The following CFAP299 variants were observed in gnomAD, a reference collection of about 807,000 sequenced individuals.
The protein encoded by CFAP299 is cilia- and flagella-associated protein 299.
CFAP299 carries 21 observed loss-of-function variants against 27.0 expected under a neutral mutation model. The observed-to-expected ratio is 0.78, with a 90% CI of 0.55 to 1.12. CFAP299 has a LOEUF of 1.12. Ranked by LOEUF, CFAP299 falls within the 50% of genes most tolerant of loss-of-function variation. The probability of loss-of-function intolerance (pLI) is 0.00; values close to 1 mark genes in which losing one functional copy is unlikely to be tolerated. For missense variants in CFAP299, 310 were observed against 276.6 expected (o/e 1.12, Z -0.86); for synonymous variants, 104 against 98.1 (o/e 1.06, Z -0.36).
intron 4 of CFAP299, among the ~76,000 whole-genome samples, chr4:80,883,328 C>G (rs755733702): frequency 6.6e-6 from 1 of 151,822 alleles, no homozygotes; most frequent in Non-Finnish European, 1.5e-5. Flanking sequence ...AAGCATACCA[C>G]TATAAAAATC....
intron 2 of CFAP299, among the ~76,000 whole-genome samples, chr4:80,499,973 T>G (rs1731661233): frequency 6.9e-6 from 1 of 145,784 alleles, no homozygotes; most frequent in African/African-American, 2.7e-5. Context: ...ACTTCATTTT[T>G]TTTTTGTTTG....
intron 3 of CFAP299, among the ~76,000 whole-genome samples, chr4:80,851,164 T>A (rs1731500476): frequency 6.6e-6 from 1 of 152,076 alleles, no homozygotes; most frequent in African/African-American, 2.4e-5. Flanking sequence ...GGTGTATAAG[T>A]GGTAGTTGAA....
chr4:80,795,831 T>C (rs1215179007), intron 3 of CFAP299, among the ~76,000 whole-genome samples: 1 of 152,090 alleles, frequency 6.6e-6, no homozygotes, highest in East Asian at 1.9e-4. Flanking sequence ...CAGACCAAGA[T>C]CTGTCTCTCA....
chr4:80,561,732 G>A (rs764077544), intron 2 of CFAP299, among the ~76,000 whole-genome samples: 1 of 151,878 alleles, frequency 6.6e-6, no homozygotes, highest in Non-Finnish European at 1.5e-5. Flanking sequence ...AGAGAGCTTT[G>A]AAGAAAGCCT....
chr4:80,325,801 A>G, the CFAP299 span, among the ~76,000 whole-genome samples: 2 of 152,170 alleles, frequency 1.3e-5, no homozygotes, highest in African/African-American at 4.8e-5. Flanking sequence ...TTTTCTAGGT[A>G]TCTATAGATG....
chr4:80,787,023 T>C (rs1223563422), intron 3 of CFAP299, among the ~76,000 whole-genome samples: 7 of 151,794 alleles, frequency 4.6e-5, no homozygotes, highest in African/African-American at 1.7e-4. Context: ...TTTGTCCCAA[T>C]AAAATGGGTT....
intron 2 of CFAP299, among the ~76,000 whole-genome samples, chr4:80,517,626 G>A (rs1732649821): frequency 6.6e-6 from 1 of 152,206 alleles, no homozygotes; most frequent in Admixed American, 6.5e-5. Context: ...CTGCTGTGAG[G>A]AATGGAAAGA....
chr4:80,493,525 G>A (rs1361503188), intron 2 of CFAP299, among the ~76,000 whole-genome samples: 5 of 152,166 alleles, frequency 3.3e-5, no homozygotes, highest in Non-Finnish European at 1.5e-5. Flanking sequence ...ATGAGTTAGA[G>A]TAGAGCAGGT....
chr4:80,802,840 C>A (rs1033113008), intron 3 of CFAP299, among the ~76,000 whole-genome samples: 8 of 151,980 alleles, frequency 5.3e-5, no homozygotes, highest in African/African-American at 1.9e-4. Flanking sequence ...GTGACACTTG[C>A]ATTACTAACT....
At position 80,427,663 on chromosome 4, in the gene CFAP299, G is replaced by A. The variant is rs142609251; in HGVS notation, c.242+64779G>A. On this transcript the variant is annotated intron_variant, in intron 2 of 5. Transcript: ENST00000358105. The stretch of plus-strand genomic sequence containing the variant: ...AAAGATTAATACTCACTCCTACATA[G>A]GAGGTAATTGCCACTGTTAGGTTGT... Among the ~76,000 whole-genome samples, 12 of 152,248 alleles carry A rather than the reference G, an allele frequency of 7.9e-5. No homozygotes were observed. In the East Asian group the frequency reaches 1.4e-3, roughly 17 times the overall value.
At chr4:80,868,488 T>C (rs1367392534) in intron 3 of CFAP299, among the ~76,000 whole-genome samples, 1 of 152,188 alleles carries the variant, frequency 6.6e-6, no homozygotes, top group Non-Finnish European at 1.5e-5. Flanking sequence ...CAGCTTTCTG[T>C]TGAGGCAATA....
chr4:80,519,337 T>C (rs1379217044), intron 2 of CFAP299, among the ~76,000 whole-genome samples: 2 of 151,948 alleles, frequency 1.3e-5, no homozygotes, highest in Non-Finnish European at 2.9e-5. Context: ...CTCCCATGTA[T>C]CTGGGATTAC....
chr4:80,915,503 G>A (rs531112858), intron 4 of CFAP299, among the ~76,000 whole-genome samples: 1 of 151,640 alleles, frequency 6.6e-6, no homozygotes, highest in Non-Finnish European at 1.5e-5. Flanking sequence ...TGTTCTGCTT[G>A]GTTTTTATTG....
intron 2 of CFAP299, among the ~76,000 whole-genome samples, chr4:80,401,612 A>C (rs112798026): frequency 6.6e-6 from 1 of 152,166 alleles, no homozygotes; most frequent in African/African-American, 2.4e-5. Context: ...GCCCAGGCAA[A>C]AGTTTGCTGC....
chr4:80,912,171 G>A (rs959461207), intron 4 of CFAP299, among the ~76,000 whole-genome samples: 1 of 152,054 alleles, frequency 6.6e-6, no homozygotes, highest in African/African-American at 2.4e-5. Flanking sequence ...ACATGCTAGT[G>A]CCTAATAGAA....
intron 3 of CFAP299, among the ~76,000 whole-genome samples, chr4:80,650,261 AC>A (rs1485743085): frequency 1.3e-5 from 2 of 151,980 alleles, no homozygotes; most frequent in Admixed American, 1.3e-4. Context: ...AAATTTAAAA[AC>A]ATCAATTAAA....
intron 2 of CFAP299, among the ~76,000 whole-genome samples, chr4:80,439,692 G>A (rs991759190): frequency 7.9e-5 from 12 of 152,166 alleles, no homozygotes; most frequent in Non-Finnish European, 1.3e-4. Context: ...CAGTGAGACA[G>A]AACCATTCAT....
chr4:80,558,134 C>G (rs1466740492), intron 2 of CFAP299, among the ~76,000 whole-genome samples: 1 of 152,018 alleles, frequency 6.6e-6, no homozygotes, highest in African/African-American at 2.4e-5. Flanking sequence ...AATGACAAGG[C>G]CAATCTTTTC....
intron 3 of CFAP299, among the ~76,000 whole-genome samples, chr4:80,767,971 T>G (rs1725992163): frequency 6.6e-6 from 1 of 152,242 alleles, no homozygotes. Flanking sequence ...TTAGTGTTGA[T>G]ATTTTAAAAA....
Sources: gnomAD v4.1 joint callset for allele counts (sites outside exome capture counted in the v4.1 genomes callset) on GRCh38, gnomAD v4.1.1 for gene constraint, MANE v1.5 for transcripts, NCBI Gene and HGNC (gene_info 2026-07-23, HGNC 2026-07-21) for gene names.